Variants in ZNF106 observed in about 807,000 individuals in gnomAD.
ZNF106 encodes zinc finger protein 106.
A neutral mutation model predicts 195.1 loss-of-function variants in ZNF106; 67 were observed. The observed-to-expected ratio is 0.34, with a 90% confidence interval of 0.28 to 0.42. The LOEUF is 0.42. ZNF106 is among the 10% of genes least tolerant of loss of function. ZNF106 has a pLI of 1.00. For missense variants in ZNF106, 2,118 were observed against 2,304.5 expected (o/e 0.92, Z 1.66); for synonymous variants, 784 against 818.6 (o/e 0.96, Z 0.72).
At chr15:42,483,769 T>TTCCCACCTACCACACTCC (rs1388052310) in intron 1 of ZNF106, among the ~76,000 whole-genome samples, 1 of 152,212 alleles carries the variant, frequency 6.6e-6, no homozygotes, top group East Asian at 1.9e-4. Flanking sequence ...TTTTCAGTTC[T>TTCCCACCTACCACACTCC]TCCCACCTAC....
chr15:42,448,825 C>G, intron 5 of ZNF106, 120 bp from the exon 6 acceptor site: 1 of 984,950 alleles, frequency 1.0e-6, no homozygotes. Context: ...GTGGCTCTTG[C>G]CTTCAAGGGG....
At chr15:42,440,994 AAAAAATATATAT>A (rs2055486653) in intron 10 of ZNF106, among the ~76,000 whole-genome samples, 2 of 54,512 alleles carry the variant, frequency 3.7e-5, no homozygotes, top group African/African-American at 2.7e-4. Flanking sequence ...AAAAAAAAAA[AAAAAATATATAT>A]ATATATATAT....
In ZNF106 at chr15:42,448,346, G is replaced by C; in HGVS notation, c.2861C>G (p.Ala954Gly). Reference protein sequence around the residue: ...LRTGERAENVATQRRHSAQLS... With the variant: ...LRTGERAENVGTQRRHSAQLS... ...TTGTGCACTATGTCGCCTTTGGGTA[G>C]CAACATTTTCAGCCCTTTCACCTGT... is the stretch of plus-strand genomic sequence containing the variant. Residue 954 changes from alanine to glycine, a missense_variant, in exon 6 of 22, where the codon GCT becomes GGT. Physicochemically the swap from Ala to Gly is moderately conservative, Grantham distance 60. Transcript: ENST00000564754. The C allele has an allele frequency of 6.2e-7, 1 of 1,614,178 alleles. No homozygotes were observed. The highest frequency in any genetic ancestry group is 8.5e-7 in the Non-Finnish European group (1 of 1,180,034).
At chr15:42,436,196 A>G (rs974675327) in intron 13 of ZNF106, among the ~76,000 whole-genome samples, 12 of 151,762 alleles carry the variant, frequency 7.9e-5, no homozygotes, top group Non-Finnish European at 1.0e-4. Flanking sequence ...CTCATGATCC[A>G]CCCACCTTGG....
intron 14 of ZNF106, among the ~76,000 whole-genome samples, chr15:42,434,267 G>T (rs969425903): frequency 2.6e-5 from 4 of 152,172 alleles, no homozygotes; most frequent in Admixed American, 6.5e-5. Flanking sequence ...TGGGAGGACT[G>T]CCTGACCTCA....
Position 42,442,271 on chromosome 15 carries a change from G to C in ZNF106, c.3565C>G (p.His1189Asp). Residue 1189 changes from histidine (H) to aspartate (D), a missense_variant, in exon 10 of 22, where the codon CAT (histidine) becomes GAT (aspartate). Physicochemically the swap from His to Asp is moderately conservative, Grantham distance 81. Transcript: ENST00000564754. ...FPLFLEPPSS[H>D]VSPSPTGASL... ...GCTCCGGTGGGTGATGGAGACACAT[G>C]GGAAGATGGAGGCTCCAGAAAAAGT... 1 of 1,614,144 alleles carries C rather than the reference G, an allele frequency of 6.2e-7. No homozygotes were observed. Among genetic ancestry groups the C allele is most frequent in the South Asian group, 1.1e-5 (1 of 91,072 alleles).
At chr15:42,426,722 T>A (rs1389656293) in intron 15 of ZNF106, among the ~76,000 whole-genome samples, 1 of 152,162 alleles carries the variant, frequency 6.6e-6, no homozygotes, top group African/African-American at 2.4e-5. Flanking sequence ...CTACTTCTGA[T>A]AATCTCACGA....
intron 4 of ZNF106, 116 bp from the exon 5 acceptor site, chr15:42,452,070 G>A (rs770785284): frequency 1.2e-5 from 14 of 1,182,960 alleles, no homozygotes; most frequent in Middle Eastern, 2.1e-4. Context: ...ATATGTAACC[G>A]AGTCTGGTTT....
intron 4 of ZNF106, among the ~76,000 whole-genome samples, chr15:42,455,633 C>T (rs565542666): frequency 2.6e-5 from 4 of 152,260 alleles, no homozygotes; most frequent in Non-Finnish European, 5.9e-5. Flanking sequence ...GCCCTGGCCT[C>T]GTCTCCTCAT....
Position 42,429,595 on chromosome 15 carries a change from C to T in ZNF106, c.4882-1461G>A, listed in dbSNP as rs577049158. On this transcript the variant is annotated intron_variant, in intron 14 of 21. Coordinates refer to ENST00000564754, the MANE Select transcript of ZNF106 (RefSeq NM_001366845.3). ...AAATCCATTGGTCTCGTCTCCCAAC[C>T]TTCTTTCATACCTAAAAGAGTCAGT... Among the ~76,000 whole-genome samples, 9 of 152,096 alleles carry T rather than the reference C, an allele frequency of 5.9e-5. 1 individual carries two copies. The South Asian group carries it at 1.9e-3, about 32-fold the overall frequency.
intron 1 of ZNF106, among the ~76,000 whole-genome samples, chr15:42,487,445 C>T (rs892020510): frequency 5.4e-5 from 7 of 129,394 alleles, no homozygotes; most frequent in Non-Finnish European, 1.1e-4. Context: ...GAGCCATGAT[C>T]ATGCCACTGT....
intron 1 of ZNF106, among the ~76,000 whole-genome samples, chr15:42,479,291 T>G (rs140886717): frequency 0.02 from 2,976 of 152,120 alleles, 93 homozygotes; most frequent in African/African-American, 0.067. Context: ...GGAGAATCGC[T>G]TGAACCCAGG....
Position 42,451,142 on chromosome 15 carries a change from G to A in ZNF106, c.1130C>T (p.Ser377Phe), listed in dbSNP as rs768685342. Residue 377 changes from serine to phenylalanine, a missense_variant, in exon 5 of 22, where the codon TCT becomes TTT. By Grantham distance (155) the Ser-to-Phe change is radical. Coordinates refer to ENST00000564754, the MANE Select transcript of ZNF106 (RefSeq NM_001366845.3). ...CGACTGTAAATCCAGAGTCTTCTGA[G>A]AAGGGTAAGGCGTCCAGCGACGAGG... ...EKPRRWTPYP[S>F]QKTLDLQSGL... is the part of the protein sequence containing the mutation. The A allele has an allele frequency of 3.1e-6, 5 of 1,614,092 alleles. No homozygotes were observed. The African/African-American group carries it at 5.3e-5, about 17-fold the overall frequency.
intron 1 of ZNF106, among the ~76,000 whole-genome samples, chr15:42,476,149 TA>T (rs916611387): frequency 6.6e-6 from 1 of 152,176 alleles, no homozygotes; most frequent in Non-Finnish European, 1.5e-5. Flanking sequence ...TTCATTTTCT[TA>T]AAAAATCAAA....
rs1472856554 is a variant in ZNF106, at chr15:42,451,104, T to C, written c.1168A>G (p.Ile390Val). Residue 390 changes from isoleucine to valine, a missense_variant, in exon 5 of 22, where the codon ATC becomes GTC. Coordinates refer to ENST00000564754, the MANE Select transcript of ZNF106 (RefSeq NM_001366845.3). ...ATCATTTCTGACTTGTTACCAGTGATGTCTTTCAATCCCGACTGTAAATCC... is the reference window on the plus strand; with the variant it reads ...ATCATTTCTGACTTGTTACCAGTGACGTCTTTCAATCCCGACTGTAAATCC... ...TLDLQSGLKD[I>V]TGNKSEMIEK... is the part of the protein sequence containing the mutation. 3 of 1,614,104 alleles carry C rather than the reference T, an allele frequency of 1.9e-6. No homozygotes were observed. The highest frequency in any genetic ancestry group is 2.5e-6 in the Non-Finnish European group (3 of 1,180,054).
At chr15:42,446,547 A>G in intron 7 of ZNF106, 42 bp downstream of exon 7, 1 of 1,546,070 alleles carries the variant, frequency 6.5e-7, no homozygotes. Context: ...AAAAAAACCA[A>G]AAAACACCAA....
intron 20 of ZNF106, among the ~76,000 whole-genome samples, chr15:42,419,512 C>G (rs1470922335): frequency 6.6e-6 from 1 of 151,900 alleles, no homozygotes; most frequent in Middle Eastern, 3.4e-3. Flanking sequence ...CCGCTGCACT[C>G]CCGCCTGAGT....
intron 1 of ZNF106, among the ~76,000 whole-genome samples, chr15:42,486,110 C>T (rs1259359691): frequency 6.6e-6 from 1 of 151,434 alleles, no homozygotes; most frequent in African/African-American, 2.4e-5. Flanking sequence ...GGCGCATGTA[C>T]CACCACACCC....
chr15:42,424,775 T>C (rs2054793744), intron 16 of ZNF106, 59 bp downstream of exon 16: 8 of 1,545,884 alleles, frequency 5.2e-6, no homozygotes, highest in Non-Finnish European at 7.0e-6. Flanking sequence ...CCACCTCGCC[T>C]GGCCTCAAAA....
Sources: gnomAD v4.1 joint callset for allele counts (sites outside exome capture counted in the v4.1 genomes callset) on GRCh38, gnomAD v4.1.1 for gene constraint, MANE v1.5 for transcripts, NCBI Gene and HGNC (gene_info 2026-07-23, HGNC 2026-07-21) for gene names.